UBAP2: variants seen among roughly 807,000 people sequenced by gnomAD.
The protein encoded by UBAP2 is ubiquitin associated protein 2.
Under a neutral mutation model 139.6 loss-of-function variants are expected in UBAP2, and 75 were observed. That is an observed-to-expected ratio of 0.54 (90% CI 0.45 to 0.65). The LOEUF (loss-of-function observed/expected upper bound fraction) is 0.65. Among genes scored for constraint, UBAP2 ranks in the 30% least tolerant of loss-of-function variants. The pLI, the probability that UBAP2 is intolerant of heterozygous loss-of-function variation, is 0.00. For missense variants in UBAP2, 1,368 were observed against 1,369.6 expected, an observed-to-expected ratio of 1.00 and a Z score of 0.02; for synonymous variants, 526 against 526.2, an observed-to-expected ratio of 1.00 and a Z score of 0.01.
chr9:34,016,313 A>G (rs1377521651), intron 2 of UBAP2, among the ~76,000 whole-genome samples: 1 of 53,726 alleles, frequency 1.9e-5, no homozygotes, highest in Non-Finnish European at 4.1e-5. Context: ...GAAGAGGAGG[A>G]AGAGAAGGAG....
intron 1 of UBAP2, among the ~76,000 whole-genome samples, chr9:34,017,719 G>T (rs937541474): frequency 2.6e-5 from 4 of 152,150 alleles, no homozygotes; most frequent in African/African-American, 9.7e-5. Context: ...GAGGTCAGGA[G>T]ATCGAGACCA....
rs575374333 is a variant in UBAP2, at chr9:33,971,929, G to C, written c.576-175C>G. Among the ~76,000 whole-genome samples the C allele has an allele frequency of 2.6e-5, 4 of 152,288 alleles. No homozygotes were observed. The South Asian group carries it at 8.3e-4, about 32-fold the overall frequency. ...AACTAATTCTGCCAGCCATGGAGATGCAGATGTGAAAACCAGAAGTTGCCT... is the reference window on the plus strand; with the variant it reads ...AACTAATTCTGCCAGCCATGGAGATCCAGATGTGAAAACCAGAAGTTGCCT... On this transcript the variant is annotated intron_variant, in intron 7 of 28. Transcript: ENST00000379238.
chr9:33,962,432 G>A (rs1279833488), intron 9 of UBAP2, among the ~76,000 whole-genome samples: 2 of 151,988 alleles, frequency 1.3e-5, no homozygotes, highest in East Asian at 3.9e-4. Flanking sequence ...TGGATCACGA[G>A]GTCAGGAGTT....
intron 4 of UBAP2, among the ~76,000 whole-genome samples, chr9:33,993,545 G>C (rs781314673): frequency 6.6e-6 from 1 of 152,154 alleles, no homozygotes; most frequent in South Asian, 2.1e-4. Flanking sequence ...AGTGGCATGC[G>C]CCTGTGGTCC....
chr9:33,949,727 G>A (rs1825946811), intron 12 of UBAP2, among the ~76,000 whole-genome samples: 1 of 152,074 alleles, frequency 6.6e-6, no homozygotes, highest in Admixed American at 6.5e-5. Context: ...GCGCATGCAC[G>A]CGCACACACG....
chr9:33,989,199 C>CTTTA, intron 4 of UBAP2, 73 bp from the exon 5 acceptor site: 1 of 1,217,474 alleles, frequency 8.2e-7, no homozygotes, highest in Non-Finnish European at 1.1e-6. Context: ...ATGCATGTAT[C>CTTTA]TTTCTTTTTT....
chr9:34,002,534 C>T (rs772147285), intron 2 of UBAP2, among the ~76,000 whole-genome samples: 12 of 151,804 alleles, frequency 7.9e-5, no homozygotes, highest in Non-Finnish European at 1.2e-4. Context: ...CATGCCACCA[C>T]GCCTGGCTAA....
intron 6 of UBAP2, among the ~76,000 whole-genome samples, chr9:33,978,699 G>C (rs777751147): frequency 6.6e-6 from 1 of 152,090 alleles, no homozygotes; most frequent in East Asian, 1.9e-4. Context: ...AGAATGGCGT[G>C]AACCCAGGAG....
chr9:33,944,603 C>G lies in UBAP2; in HGVS notation c.1307G>C (p.Ser436Thr). ...GTGCTGTTGTCGCTGGCTCAACTGGCTAAGAACTGGGGATGGCTCAGGTTG... is the reference window on the plus strand; with the variant it reads ...GTGCTGTTGTCGCTGGCTCAACTGGGTAAGAACTGGGGATGGCTCAGGTTG... ...KSQPEPSPVLSQLSQRQQHQS... is the reference protein window; with the variant it reads ...KSQPEPSPVLTQLSQRQQHQS... The change falls in exon 14 of 29, where the codon AGC becomes ACC. Residue 436 changes from serine (S) to threonine (T), a missense_variant. Ser to Thr is a moderately conservative substitution (Grantham distance 58). Coordinates refer to ENST00000379238, the MANE Select transcript of UBAP2 (RefSeq NM_001370062.2). 2.5e-6 allele frequency: 4 copies of G among 1,614,010 alleles called. No individual in the cohort carries two copies. Among genetic ancestry groups the G allele is most frequent in the Non-Finnish European group, 3.4e-6 (4 of 1,179,962 alleles).
intron 6 of UBAP2, among the ~76,000 whole-genome samples, chr9:33,983,640 T>C (rs1820958306): frequency 2.0e-5 from 3 of 152,160 alleles, no homozygotes; most frequent in Admixed American, 2.0e-4. Flanking sequence ...TATTCTTTCT[T>C]TTTGTTACCT....
chr9:33,997,676 A>T (rs894170120), intron 3 of UBAP2: 2 of 152,192 alleles, frequency 1.3e-5, no homozygotes, highest in African/African-American at 4.8e-5. Flanking sequence ...TCAACATCAA[A>T]ATTTCCCCAG....
At chr9:34,034,925 G>A (rs878860053) in intron 1 of UBAP2, among the ~76,000 whole-genome samples, 3 of 151,670 alleles carry the variant, frequency 2.0e-5, no homozygotes, top group African/African-American at 4.8e-5. Context: ...CTCTACATCC[G>A]GATTACTCTC....
chr9:34,047,103 T>G lies in UBAP2; in HGVS notation c.-42+1722A>C, dbSNP rs116335299. Among the ~76,000 whole-genome samples the G allele has an allele frequency of 3.0e-4, 45 of 152,216 alleles. No individual in the cohort carries two copies. In the East Asian group the frequency reaches 7.3e-3, roughly 25 times the overall value. On this transcript the variant is annotated intron_variant, in intron 1 of 28. Coordinates refer to ENST00000379238, the MANE Select transcript of UBAP2 (RefSeq NM_001370062.2). ...CTCATTCTCTCCCATGCCACCACTTTCGGGCATATTTCAATCACAACAAAA... is the reference window on the plus strand; with the variant it reads ...CTCATTCTCTCCCATGCCACCACTTGCGGGCATATTTCAATCACAACAAAA...
rs74787414 is a variant in UBAP2 at position 34,032,274 on chromosome 9, T to C, written c.-41-15085A>G. 6.9e-3 allele frequency among the ~76,000 whole-genome samples: 1,052 copies of C among 152,242 alleles called. 9 individuals carry two copies. The highest frequency in any genetic ancestry group is 0.048 in the Middle Eastern group (14 of 294). ...CCCCATCTATCCTCTCTTGAAAGGA[T>C]GAAAGTAAGAACAAATTAACTCATA... On this transcript the variant is annotated intron_variant, in intron 1 of 28. Transcript: ENST00000379238.
Position 33,998,726 on chromosome 9 carries a change from T to C in UBAP2, c.177+61A>G, listed in dbSNP as rs1822412928. On this transcript the variant is annotated intron_variant, in intron 3 of 28. Transcript: ENST00000379238. ...AAAACAAAAATCTTTACTGAAATTA[T>C]CTTTTTAAGCACAATCAAAATAGAT... 3 of 1,479,036 alleles carry C rather than the reference T, an allele frequency of 2.0e-6. No homozygotes were observed. The Admixed American group carries it at 5.6e-5, about 28-fold the overall frequency. 91.6% of individuals were successfully genotyped at this position (1,479,036 alleles called of 1,614,324 possible). A position where few individuals can be genotyped will look rare whatever the true frequency, so the allele number is the denominator to read the frequency against.
intron 2 of UBAP2, among the ~76,000 whole-genome samples, chr9:34,013,734 A>G (rs1257056498): frequency 7.2e-5 from 11 of 151,840 alleles, no homozygotes; most frequent in Non-Finnish European, 4.4e-5. Context: ...AAAATTAGCC[A>G]GGCATGGTGA....
At chr9:33,976,612 G>T (rs1828366744) in intron 6 of UBAP2, among the ~76,000 whole-genome samples, 1 of 152,212 alleles carries the variant, frequency 6.6e-6, no homozygotes, top group Non-Finnish European at 1.5e-5. Context: ...TGATTGTGGT[G>T]ATGATTGCAC....
At chr9:33,967,194 C>T (rs1483148643) in intron 8 of UBAP2, among the ~76,000 whole-genome samples, 1 of 152,200 alleles carries the variant, frequency 6.6e-6, no homozygotes, top group Admixed American at 6.5e-5. Context: ...TACATGCCTT[C>T]ATGAAACTTG....
At chr9:33,927,461 A>C (rs1339733589) in intron 20 of UBAP2, among the ~76,000 whole-genome samples, 1 of 152,186 alleles carries the variant, frequency 6.6e-6, no homozygotes, top group African/African-American at 2.4e-5. Flanking sequence ...GCGACCATCA[A>C]ATCATAGTCT....
Sources: allele counts gnomAD v4.1 joint callset (sites outside exome capture counted in the v4.1 genomes callset), GRCh38; gene constraint gnomAD v4.1.1; transcripts MANE v1.5; gene names NCBI Gene and HGNC (gene_info 2026-07-23, HGNC 2026-07-21).